Variants in LMBR1 observed in about 807,000 individuals in gnomAD.
The protein encoded by LMBR1 is limb development membrane protein 1, also known as limb region 1 protein homolog.
In LMBR1, 52 loss-of-function variants were observed where a neutral mutation model predicts 73.9. The observed-to-expected ratio is 0.70, with a 90% confidence interval of 0.56 to 0.89. The LOEUF (loss-of-function observed/expected upper bound fraction) is 0.89, where lower values mean the gene tolerates loss of function less well. LMBR1 is among the 40% of genes least tolerant of loss of function. The pLI is 0.00. For missense variants in LMBR1, 539 were observed against 579.8 expected (o/e 0.93, Z 0.72); for synonymous variants, 215 against 209.4 (o/e 1.03, Z -0.23).
At chr7:156,862,461 A>T (rs1586300865) in intron 1 of LMBR1, among the ~76,000 whole-genome samples, 1 of 152,184 alleles carries the variant, frequency 6.6e-6, no homozygotes, top group East Asian at 1.9e-4. Context: ...CTAAATGTAA[A>T]ATATAAAACT....
chr7:156,729,881 TAAATC>T (rs1269757636), intron 10 of LMBR1, among the ~76,000 whole-genome samples: 2 of 152,168 alleles, frequency 1.3e-5, no homozygotes, highest in African/African-American at 4.8e-5. Context: ...GAAGAAAAGA[TAAATC>T]AAACTTAATT....
chr7:156,828,689 T>G (rs932185068), intron 3 of LMBR1, among the ~76,000 whole-genome samples: 2 of 152,188 alleles, frequency 1.3e-5, no homozygotes, highest in Non-Finnish European at 2.9e-5. Flanking sequence ...CTTAAATCAC[T>G]TTAACACTCC....
intron 4 of LMBR1, among the ~76,000 whole-genome samples, chr7:156,825,244 A>C (rs1835472335): frequency 2.0e-5 from 3 of 152,246 alleles, no homozygotes; most frequent in Non-Finnish European, 4.4e-5. Flanking sequence ...AATGAGATGA[A>C]GAAATTGAAA....
At chr7:156,761,758 C>T (rs1037446453) in intron 8 of LMBR1, among the ~76,000 whole-genome samples, 13 of 151,950 alleles carry the variant, frequency 8.6e-5, no homozygotes, top group African/African-American at 3.1e-4. Context: ...GGGCAGATAA[C>T]GAGGTCAGGA....
intron 15 of LMBR1, among the ~76,000 whole-genome samples, chr7:156,716,763 C>G (rs1299444981): frequency 6.6e-6 from 1 of 152,202 alleles, no homozygotes; most frequent in African/African-American, 2.4e-5. Context: ...ACTCAGCTCT[C>G]TGCTTTTTAT....
intron 12 of LMBR1, among the ~76,000 whole-genome samples, chr7:156,726,693 G>A (rs1429982032): frequency 6.6e-6 from 1 of 151,998 alleles, no homozygotes; most frequent in African/African-American, 2.4e-5. Flanking sequence ...CTGGTAGAAA[G>A]TGATGGGGTT....
At chr7:156,695,867 G>GAAA (rs397957629) in intron 15 of LMBR1, among the ~76,000 whole-genome samples, 52 of 143,740 alleles carry the variant, frequency 3.6e-4, no homozygotes, top group African/African-American at 6.9e-4. Flanking sequence ...GACACTGATG[G>GAAA]AAAAAAAAAA....
At chr7:156,708,683 G>T (rs1033643980) in intron 15 of LMBR1, among the ~76,000 whole-genome samples, 2 of 152,148 alleles carry the variant, frequency 1.3e-5, no homozygotes, top group Non-Finnish European at 2.9e-5. Context: ...ATCTGGTAGG[G>T]GGGCAGGGTG....
intron 1 of LMBR1, among the ~76,000 whole-genome samples, chr7:156,873,331 C>T (rs1385299334): frequency 6.6e-6 from 1 of 151,984 alleles, no homozygotes; most frequent in Non-Finnish European, 1.5e-5. Flanking sequence ...TCTCGCTGGG[C>T]TCAGGAGTGA....
chr7:156,833,824 T>C lies in LMBR1; in HGVS notation c.140-32A>G, dbSNP rs1837125319. On this transcript the variant is annotated intron_variant, in intron 2 of 16. Coordinates refer to ENST00000353442, the MANE Select transcript of LMBR1 (RefSeq NM_022458.4). ...AAATGTTTAAGGTATTAATATTCCTTTATCTTCTAACAAAATGCGTCATTA... is the reference window on the plus strand; with the variant it reads ...AAATGTTTAAGGTATTAATATTCCTCTATCTTCTAACAAAATGCGTCATTA... The C allele has an allele frequency of 5.0e-6, 7 of 1,405,834 alleles. No individual in the cohort carries two copies. The South Asian group carries it at 9.1e-5, about 18-fold the overall frequency. 87.1% of individuals were successfully genotyped at this position (1,405,834 alleles called of 1,614,324 possible). A position where few individuals can be genotyped will look rare whatever the true frequency, so the allele number is the denominator to read the frequency against.
chr7:156,798,575 A>G (rs1238953507), intron 4 of LMBR1, among the ~76,000 whole-genome samples: 1 of 152,204 alleles, frequency 6.6e-6, no homozygotes, highest in Non-Finnish European at 1.5e-5. Context: ...TTCATAACCT[A>G]AAGTGCATGG....
At chr7:156,736,991 G>T (rs1817994272) in intron 9 of LMBR1, among the ~76,000 whole-genome samples, 1 of 152,088 alleles carries the variant, frequency 6.6e-6, no homozygotes, top group South Asian at 2.1e-4. Flanking sequence ...CAGATGGACT[G>T]CCCTCTGTGC....
rs1409567753 is a variant in LMBR1 at position 156,685,650 on chromosome 7, G to A, written c.1388-1487C>T. 2.0e-5 allele frequency among the ~76,000 whole-genome samples: 3 copies of A among 152,226 alleles called. No individual in the cohort carries two copies. The highest frequency in any genetic ancestry group is 1.9e-4 in the East Asian group (1 of 5,200). On this transcript the variant is annotated intron_variant, in intron 16 of 16. Coordinates refer to ENST00000353442, the MANE Select transcript of LMBR1 (RefSeq NM_022458.4). This position sits in a 1 kb window ranked among gnomAD's most constrained non-coding sequence, Gnocchi z 4.1. ...CCGCCACGCCACTGCTGGCAGAAAC[G>A]GTTCAGCTCCATGATCATCTGCTGT... is the stretch of plus-strand genomic sequence containing the variant.
At chr7:156,794,493 C>T (rs752245148) in intron 5 of LMBR1, among the ~76,000 whole-genome samples, 93 of 152,114 alleles carry the variant, frequency 6.1e-4, no homozygotes, top group South Asian at 1.5e-3. Flanking sequence ...ATTCTTCAAA[C>T]AGATTTAGCC....
intron 15 of LMBR1, 102 bp downstream of exon 15, chr7:156,724,010 G>A: frequency 1.3e-6 from 1 of 781,696 alleles, no homozygotes; most frequent in Non-Finnish European, 2.1e-6. Flanking sequence ...AAGAAACACT[G>A]TATTTCAAAG....
intron 15 of LMBR1, among the ~76,000 whole-genome samples, chr7:156,710,427 T>C (rs1811841420): frequency 6.6e-6 from 1 of 151,982 alleles, no homozygotes; most frequent in South Asian, 2.1e-4. Flanking sequence ...AGAAAGAACT[T>C]CAGAGCTCAA....
intron 15 of LMBR1, among the ~76,000 whole-genome samples, chr7:156,714,353 T>C (rs1168097223): frequency 6.6e-6 from 1 of 152,220 alleles, no homozygotes; most frequent in African/African-American, 2.4e-5. Flanking sequence ...GAGTCTTGAA[T>C]GACATGTTAG....
intron 1 of LMBR1, among the ~76,000 whole-genome samples, chr7:156,868,245 G>C (rs1323772742): frequency 6.6e-6 from 1 of 150,384 alleles, no homozygotes; most frequent in Non-Finnish European, 1.5e-5. Context: ...CCAGGCTGGA[G>C]TGCAGGGGTG....
chr7:156,848,798 G>A (rs1795850279), intron 1 of LMBR1, among the ~76,000 whole-genome samples: 1 of 151,998 alleles, frequency 6.6e-6, no homozygotes. Flanking sequence ...GGCTGTGGTG[G>A]CAGGAGCCTG....
Sources: allele counts gnomAD v4.1 joint callset (sites outside exome capture counted in the v4.1 genomes callset), GRCh38; gene constraint gnomAD v4.1.1; non-coding constraint Gnocchi (gnomAD v3.1); transcripts MANE v1.5; gene names NCBI Gene and HGNC (gene_info 2026-07-23, HGNC 2026-07-21).